RNF11: variants seen among roughly 807,000 people sequenced by gnomAD.
RNF11 encodes the protein ring finger protein 11.
Under a neutral mutation model 15.8 loss-of-function variants are expected in RNF11, and 4 were observed. That is an observed-to-expected ratio of 0.25 (90% CI 0.12 to 0.58). The LOEUF (loss-of-function observed/expected upper bound fraction) is 0.58. RNF11 is among the 20% of genes least tolerant of loss of function. The pLI is 0.91. For synonymous variants in RNF11, 68 were observed against 72.3 expected (o/e 0.94, Z 0.30); for missense variants, 139 against 194.4 (o/e 0.71, Z 1.70).
chr1:51,264,981 A>AT (rs960765286), intron 1 of RNF11: 8 of 151,964 alleles, frequency 5.3e-5, no homozygotes, highest in Non-Finnish European at 1.2e-4. Flanking sequence ...TGCTTCAGAG[A>AT]TTTTTCGCAT....
intron 1 of RNF11, among the ~76,000 whole-genome samples, chr1:51,255,130 T>C (rs544085726): frequency 6.6e-6 from 1 of 152,272 alleles, no homozygotes; most frequent in African/African-American, 2.4e-5. Flanking sequence ...CTATATTATT[T>C]TTAATACTAT....
At chr1:51,257,325 C>T (rs1646908203) in intron 1 of RNF11, among the ~76,000 whole-genome samples, 1 of 152,178 alleles carries the variant, frequency 6.6e-6, no homozygotes, top group Non-Finnish European at 1.5e-5. Context: ...TTTTCCTCTC[C>T]GCCTCCTGGA....
intron 1 of RNF11, among the ~76,000 whole-genome samples, chr1:51,246,082 A>G (rs965509178): frequency 6.6e-5 from 10 of 152,250 alleles, no homozygotes; most frequent in Middle Eastern, 6.8e-3. Context: ...CCTGACCAAC[A>G]TAGAGAAACC....
At chr1:51,268,718 G>A (rs909817623) in intron 1 of RNF11, among the ~76,000 whole-genome samples, 8 of 152,188 alleles carry the variant, frequency 5.3e-5, no homozygotes, top group Admixed American at 2.6e-4. Flanking sequence ...TGGTCAACTA[G>A]GACTGAGGCT....
chr1:51,240,965 C>T (rs1238958249), intron 1 of RNF11, among the ~76,000 whole-genome samples: 1 of 152,036 alleles, frequency 6.6e-6, no homozygotes, highest in Non-Finnish European at 1.5e-5. Context: ...TACAGGCATG[C>T]GCCACCAAGG....
intron 1 of RNF11, among the ~76,000 whole-genome samples, chr1:51,253,014 T>C (rs1250913975): frequency 1.3e-5 from 2 of 151,744 alleles, no homozygotes; most frequent in African/African-American, 4.8e-5. Context: ...TTAGTAGAGA[T>C]GGGGTTTCAC....
At chr1:51,258,777 G>C (rs1557681026) in intron 1 of RNF11, among the ~76,000 whole-genome samples, 1 of 152,094 alleles carries the variant, frequency 6.6e-6, no homozygotes, top group African/African-American at 2.4e-5. Context: ...CTCCCTGATA[G>C]GCAATCTGTG....
chr1:51,268,598 A>G (rs1646965069), intron 1 of RNF11, among the ~76,000 whole-genome samples: 1 of 152,186 alleles, frequency 6.6e-6, no homozygotes, highest in Non-Finnish European at 1.5e-5. Flanking sequence ...CTCTAAAACA[A>G]TTTAGTTATT....
intron 1 of RNF11, among the ~76,000 whole-genome samples, chr1:51,254,006 T>A (rs1384361628): frequency 2.0e-5 from 3 of 150,720 alleles, no homozygotes; most frequent in Non-Finnish European, 4.4e-5. Flanking sequence ...AATCAAAGGA[T>A]GTGAGGATTT....
At chr1:51,266,915 A>G (rs181884215) in intron 1 of RNF11, among the ~76,000 whole-genome samples, 1 of 152,346 alleles carries the variant, frequency 6.6e-6, no homozygotes, top group East Asian at 1.9e-4. Context: ...GGTAGTAAAC[A>G]TTGGTAAGCA....
At chr1:51,257,766 TTAATAATAGCCA>T (rs1646910990) in intron 1 of RNF11, among the ~76,000 whole-genome samples, 1 of 151,786 alleles carries the variant, frequency 6.6e-6, no homozygotes, top group African/African-American at 2.4e-5. Flanking sequence ...CCTTGACTTT[TTAATAATAGCCA>T]TTCTGACTGA....
intron 1 of RNF11, among the ~76,000 whole-genome samples, chr1:51,244,719 T>A (rs1646844512): frequency 6.6e-6 from 1 of 152,198 alleles, no homozygotes; most frequent in South Asian, 2.1e-4. Context: ...CCTAGGTGAC[T>A]TTTATAAATA....
At position 51,272,916 on chromosome 1, in the gene RNF11, T is replaced by G. The variant is rs1035130654; in HGVS notation, c.*1594T>G. ...TAAGTACTTTGTAAAGATTTGACAT[T>G]CAACTGTAGTATCCATATGTTGCTT... On this transcript the variant is annotated 3_prime_UTR_variant, in exon 3 of 3. Transcript: ENST00000242719. The G allele has an allele frequency of 2.0e-5, 3 of 152,146 alleles. No homozygotes were observed. Among genetic ancestry groups the G allele is most frequent in the African/African-American group, 7.2e-5 (3 of 41,448 alleles). 9.4% of individuals were successfully genotyped at this position (152,146 alleles called of 1,614,324 possible).
chr1:51,271,048 A>G lies in RNF11; in HGVS notation c.294-103A>G, dbSNP rs74080506. The G allele has an allele frequency of 2.2e-3, 2,079 of 930,878 alleles. 26 individuals are homozygous for G. The African/African-American group carries it at 0.031, about 14-fold the overall frequency. The allele number at this position is 930,878 out of a possible 1,614,324, so 57.7% of individuals were successfully genotyped here. On this transcript the variant is annotated intron_variant, in intron 2 of 2. Transcript: ENST00000242719. ...ATAAGATGACAGGCAAAGCATTCTG[A>G]TGTGTTACTCAGATTAACACTGTCT...
chr1:51,268,028 G>C (rs1347757329), intron 1 of RNF11, among the ~76,000 whole-genome samples: 1 of 152,170 alleles, frequency 6.6e-6, no homozygotes, highest in African/African-American at 2.4e-5. Flanking sequence ...ACCATGCCCA[G>C]CCATCACATC....
intron 1 of RNF11, among the ~76,000 whole-genome samples, chr1:51,237,420 GTGTGTATATATATATATA>G (rs1223765005): frequency 2.2e-5 from 3 of 139,354 alleles, no homozygotes; most frequent in African/African-American, 5.4e-5. Flanking sequence ...ACTTGTGTGT[GTGTGTATATATATATATA>G]TGTGTATATA....
chr1:51,271,441 A>G lies in RNF11; in HGVS notation c.*119A>G, dbSNP rs1270226284. The G allele has an allele frequency of 1.3e-5, 10 of 765,746 alleles. No homozygotes were observed. Among genetic ancestry groups the G allele is most frequent in the East Asian group, 8.1e-5 (3 of 37,084 alleles). 47.4% of individuals were successfully genotyped at this position (765,746 alleles called of 1,614,324 possible). ...GATCGTGCACAAAAGTTTCCTTAAA[A>G]TTCCTGGATGGCTGCAGATGTTGGG... is the stretch of plus-strand genomic sequence containing the variant. On this transcript the variant is annotated 3_prime_UTR_variant, in exon 3 of 3. Coordinates refer to ENST00000242719, the MANE Select transcript of RNF11 (RefSeq NM_014372.5).
chr1:51,237,438 A>G (rs571025147), intron 1 of RNF11, among the ~76,000 whole-genome samples: 4,339 of 118,956 alleles, frequency 0.036, 222 homozygotes, highest in African/African-American at 0.12. Context: ...ATATATATAT[A>G]TGTGTATATA....
At chr1:51,236,937 G>GGGGCTTCGGGGCCGTCTCTGCCCC (rs1646806360) in intron 1 of RNF11, 58 bp downstream of exon 1, 1 of 1,545,140 alleles carries the variant, frequency 6.5e-7, no homozygotes, top group Non-Finnish European at 8.7e-7. Context: ...GGAGATTGAG[G>GGGGCTTCGGGGCCGTCTCTGCCCC]GGGCTTCGGG....
Sources: allele counts gnomAD v4.1 joint callset (sites outside exome capture counted in the v4.1 genomes callset), GRCh38; gene constraint gnomAD v4.1.1; transcripts MANE v1.5; gene names NCBI Gene and HGNC (gene_info 2026-07-23, HGNC 2026-07-21).